The following PAK2 variants were observed in gnomAD, a reference collection of about 807,000 sequenced individuals.
The protein encoded by PAK2 is p21 (RAC1) activated kinase 2.
Under a neutral mutation model 65.9 loss-of-function variants are expected in PAK2, and 21 were observed. The ratio of observed to expected loss-of-function variants is 0.32; its 90% CI spans 0.23 to 0.46. The LOEUF is 0.46. Among genes scored for constraint, PAK2 ranks in the 20% least tolerant of loss-of-function variants. The pLI, the probability that PAK2 is intolerant of heterozygous loss-of-function variation, is 1.00. For synonymous variants in PAK2, 204 were observed against 219.7 expected (o/e 0.93, Z 0.63); for missense variants, 324 against 642.6 (o/e 0.50, Z 5.36).
chr3:196,741,530 A>G (rs1238666802), intron 1 of PAK2, among the ~76,000 whole-genome samples: 1 of 152,216 alleles, frequency 6.6e-6, no homozygotes, highest in Non-Finnish European at 1.5e-5. Flanking sequence ...TTAGCCAAGC[A>G]CATTGATTGA....
intron 1 of PAK2, among the ~76,000 whole-genome samples, chr3:196,768,926 C>G (rs576127982): frequency 1.3e-5 from 2 of 152,008 alleles, no homozygotes; most frequent in South Asian, 4.1e-4. Flanking sequence ...CCCAGCCCCC[C>G]AGAGTGCTGG....
intron 2 of PAK2, among the ~76,000 whole-genome samples, chr3:196,784,237 TAATTATAC>T (rs1714810284): frequency 7.3e-6 from 1 of 136,500 alleles, no homozygotes; most frequent in Non-Finnish European, 1.6e-5. Context: ...TTTTTTTTTT[TAATTATAC>T]TTTAAGTTTT....
Position 196,815,369 on chromosome 3 carries a change from G to A in PAK2, c.1053+801G>A, listed in dbSNP as rs1465777383. On this transcript the variant is annotated intron_variant, in intron 11 of 14. Transcript: ENST00000327134. ...TAGCCAGGCATGGTGGTGCACGCCTGTAATCCCAGCTACTCGCGAGGCTGA... is the reference window on the plus strand; with the variant it reads ...TAGCCAGGCATGGTGGTGCACGCCTATAATCCCAGCTACTCGCGAGGCTGA... Among the ~76,000 whole-genome samples, 5 of 151,596 alleles carry A rather than the reference G, an allele frequency of 3.3e-5. No individual in the cohort carries two copies. The South Asian group carries it at 6.2e-4, about 19-fold the overall frequency.
At chr3:196,802,572 G>A (rs1715453203) in intron 3 of PAK2, among the ~76,000 whole-genome samples, 1 of 152,126 alleles carries the variant, frequency 6.6e-6, no homozygotes, top group Non-Finnish European at 1.5e-5. Flanking sequence ...GCCGGGCGCG[G>A]TGGCTCACGC....
chr3:196,793,307 A>C (rs1003302169), intron 2 of PAK2, among the ~76,000 whole-genome samples: 6 of 152,232 alleles, frequency 3.9e-5, no homozygotes, highest in African/African-American at 1.2e-4. Context: ...ACTTCATGCA[A>C]GTCAGCATTT....
intron 1 of PAK2, among the ~76,000 whole-genome samples, chr3:196,778,533 A>T (rs1714607213): frequency 6.6e-6 from 1 of 152,198 alleles, no homozygotes; most frequent in African/African-American, 2.4e-5. Context: ...CAGATAGTAG[A>T]TTTCCTGTAT....
intron 1 of PAK2, among the ~76,000 whole-genome samples, chr3:196,742,674 G>A (rs1457187354): frequency 1.3e-5 from 2 of 152,152 alleles, no homozygotes; most frequent in South Asian, 2.1e-4. Context: ...CAGCACTTTG[G>A]GAGGCCGAGG....
chr3:196,810,123 T>C (rs1327664706), intron 7 of PAK2, among the ~76,000 whole-genome samples: 1 of 151,970 alleles, frequency 6.6e-6, no homozygotes, highest in East Asian at 1.9e-4. Context: ...TAATACTAAG[T>C]AGTCTCAAAC....
At chr3:196,805,206 T>C (rs1397559091) in intron 4 of PAK2, 146 bp from the exon 5 acceptor site, 1 of 566,088 alleles carries the variant, frequency 1.8e-6, no homozygotes, top group African/African-American at 2.0e-5. Flanking sequence ...CTTATTTGAC[T>C]ACTTGCGTGT....
chr3:196,795,063 A>C (rs1715205476), intron 2 of PAK2, among the ~76,000 whole-genome samples: 1 of 152,256 alleles, frequency 6.6e-6, no homozygotes. Flanking sequence ...TTCCAAATTT[A>C]ATGAAAACTG....
At chr3:196,796,218 T>C (rs1389373561) in intron 2 of PAK2, among the ~76,000 whole-genome samples, 1 of 150,978 alleles carries the variant, frequency 6.6e-6, no homozygotes, top group Non-Finnish European at 1.5e-5. Flanking sequence ...TTCTTTCTTA[T>C]CTAAATTTCT....
chr3:196,804,574 TCTC>T (rs1413493734), intron 4 of PAK2, among the ~76,000 whole-genome samples: 3 of 152,034 alleles, frequency 2.0e-5, no homozygotes, highest in Non-Finnish European at 2.9e-5. Context: ...TTCAAGCAAT[TCTC>T]CTGCCTCAGC....
At chr3:196,815,190 A>G (rs981239452) in intron 11 of PAK2, among the ~76,000 whole-genome samples, 1 of 151,202 alleles carries the variant, frequency 6.6e-6, no homozygotes, top group African/African-American at 2.4e-5. Context: ...AAAAAAAAAG[A>G]AAAAGAAATA....
intron 1 of PAK2, among the ~76,000 whole-genome samples, chr3:196,742,914 C>T (rs542792477): frequency 1.3e-5 from 2 of 152,190 alleles, no homozygotes; most frequent in African/African-American, 2.4e-5. Context: ...AGCGAGACTC[C>T]GTCTCATTAA....
chr3:196,828,118 G>C (rs1711946014), intron 14 of PAK2, among the ~76,000 whole-genome samples: 1 of 152,104 alleles, frequency 6.6e-6, no homozygotes, highest in Non-Finnish European at 1.5e-5. Context: ...GTGTATATTT[G>C]TCAAACTAAA....
At position 196,818,092 on chromosome 3, in the gene PAK2, A is replaced by C. The variant is rs1020583209; in HGVS notation, c.1089A>C (p.Gln363His). ...LQALEFLHAN[Q>H]VIHRDIKSDN... is the part of the protein sequence containing the mutation. The stretch of plus-strand genomic sequence containing the variant: ...CATTGGAGTTTTTACATGCTAATCA[A>C]GTGATCCACAGAGACATCAAAAGTG... The change falls in exon 12 of 15, where the codon CAA (glutamine) becomes CAC (histidine). Residue 363 changes from glutamine (Q) to histidine (H), a missense_variant. Transcript: ENST00000327134. 1 of 1,528,934 alleles carries C rather than the reference A, an allele frequency of 6.5e-7. No homozygotes were observed. The highest frequency in any genetic ancestry group is 9.1e-7 in the Non-Finnish European group (1 of 1,103,236). 94.7% of individuals were successfully genotyped at this position (1,528,934 alleles called of 1,614,324 possible).
intron 1 of PAK2, among the ~76,000 whole-genome samples, chr3:196,757,787 T>C (rs965818550): frequency 3.3e-5 from 5 of 152,158 alleles, no homozygotes; most frequent in African/African-American, 1.2e-4. Context: ...GAAGATGATC[T>C]GCGATAAATA....
intron 2 of PAK2, among the ~76,000 whole-genome samples, chr3:196,796,158 A>C (rs1715253881): frequency 6.6e-6 from 1 of 151,902 alleles, no homozygotes; most frequent in South Asian, 2.1e-4. Context: ...CAAGCCTCGG[A>C]CTCTGGTACC....
At position 196,830,641 on chromosome 3, in the gene PAK2, C is replaced by A. The variant is rs1447894040; in HGVS notation, c.*2236C>A. 6.6e-6 allele frequency: 1 copy of A among 152,194 alleles called. No individual in the cohort carries two copies. Among genetic ancestry groups the A allele is most frequent in the Non-Finnish European group, 1.5e-5 (1 of 68,042 alleles). The allele number at this position is 152,194 out of a possible 1,614,324, so 9.4% of individuals were successfully genotyped here. A position where few individuals can be genotyped will look rare whatever the true frequency, so the allele number is the denominator to read the frequency against. ...GTAGTTGCGACTTCTTCGATAGTTA[C>A]CTGCACGTCCATTGCTGGCAACTGA... On this transcript the variant is annotated 3_prime_UTR_variant, in exon 15 of 15. Coordinates refer to ENST00000327134, the MANE Select transcript of PAK2 (RefSeq NM_002577.4).
Sources: gnomAD v4.1 joint callset for allele counts (sites outside exome capture counted in the v4.1 genomes callset) on GRCh38, gnomAD v4.1.1 for gene constraint, MANE v1.5 for transcripts, NCBI Gene and HGNC (gene_info 2026-07-23, HGNC 2026-07-21) for gene names.